CYFIP2: variants seen among roughly 807,000 people sequenced by gnomAD.
CYFIP2 encodes the protein cytoplasmic FMR1 interacting protein 2.
In CYFIP2, 29 loss-of-function variants were observed where a neutral mutation model predicts 158.7. That is an observed-to-expected ratio of 0.18 (90% CI 0.14 to 0.25). The LOEUF (loss-of-function observed/expected upper bound fraction) is 0.25. CYFIP2 is among the 10% of genes least tolerant of loss of function. CYFIP2 has a pLI of 1.00. For synonymous variants in CYFIP2, 585 were observed against 617.6 expected, an observed-to-expected ratio of 0.95 and a Z score of 0.78; for missense variants, 852 against 1,639.5, an observed-to-expected ratio of 0.52 and a Z score of 8.29.
At chr5:157,335,148 C>T (rs190884910) in intron 21 of CYFIP2, among the ~76,000 whole-genome samples, 18 of 152,340 alleles carry the variant, frequency 1.2e-4, no homozygotes, top group Admixed American at 3.9e-4. Context: ...GCTGTGTGAT[C>T]TTGTGCAAGT....
intron 30 of CYFIP2, among the ~76,000 whole-genome samples, 155 bp from the exon 31 acceptor site, chr5:157,392,678 G>A: frequency 6.6e-6 from 1 of 152,142 alleles, no homozygotes; most frequent in East Asian, 1.9e-4. Flanking sequence ...GTTAACACTT[G>A]ATTGCCAGAT....
Position 157,360,678 on chromosome 5 carries a change from C to A in CYFIP2, c.2908+306C>A, listed in dbSNP as rs539167884. On this transcript the variant is annotated intron_variant, in intron 25 of 30. Transcript: ENST00000620254. ...TTATTAGAAAAGGTATTTATGAGCT[C>A]AGCACCTCCAGGAGCTCTTCCTCCA... 2.0e-5 allele frequency among the ~76,000 whole-genome samples: 3 copies of A among 152,294 alleles called. No homozygotes were observed. The East Asian group carries it at 5.8e-4, about 29-fold the overall frequency.
chr5:157,327,464 C>T (rs1761114010), intron 18 of CYFIP2, among the ~76,000 whole-genome samples: 1 of 151,724 alleles, frequency 6.6e-6, no homozygotes, highest in South Asian at 2.1e-4. Flanking sequence ...ACTTGGGAGG[C>T]TGAAGGATGA....
chr5:157,332,303 A>G (rs570283243), intron 20 of CYFIP2, among the ~76,000 whole-genome samples: 1 of 152,344 alleles, frequency 6.6e-6, no homozygotes, highest in Admixed American at 6.5e-5. Flanking sequence ...TTAATGTTTT[A>G]CCATATTTAG....
chr5:157,322,119 C>A (rs1384540106), intron 15 of CYFIP2, among the ~76,000 whole-genome samples: 1 of 152,050 alleles, frequency 6.6e-6, no homozygotes, highest in Non-Finnish European at 1.5e-5. Flanking sequence ...CCAGGTCATG[C>A]TAGGTGGCAC....
At chr5:157,301,573 T>C (rs1758750489) in intron 6 of CYFIP2, among the ~76,000 whole-genome samples, 1 of 152,052 alleles carries the variant, frequency 6.6e-6, no homozygotes, top group African/African-American at 2.4e-5. Context: ...GGTGTAGAGG[T>C]GGAGACACCC....
intron 19 of CYFIP2, 73 bp from the exon 20 acceptor site, chr5:157,330,669 A>C: frequency 8.7e-7 from 1 of 1,150,118 alleles, no homozygotes; most frequent in Admixed American, 1.8e-5. Flanking sequence ...ATGATCTGAA[A>C]TAGATGTATC....
In CYFIP2 at chr5:157,360,310, A is replaced by G; in HGVS notation, c.2846A>G (p.Lys949Arg). 6.2e-7 allele frequency: 1 copy of G among 1,613,800 alleles called. No homozygotes were observed. The highest frequency in any genetic ancestry group is 2.2e-5 in the East Asian group (1 of 44,878). Residue 949 changes from lysine to arginine, a missense_variant, in exon 25 of 31, where the codon AAA (lysine) becomes AGA (arginine). Lys to Arg is a conservative substitution (Grantham distance 26). Coordinates refer to ENST00000620254, the MANE Select transcript of CYFIP2 (RefSeq NM_001037333.3). The part of the protein sequence containing the change: ...LLQGTILQYV[K>R]TLIEVMPKIC... ...CAAGGAACCATTCTCCAGTATGTGA[A>G]AACACTGATAGAGGTGATGCCCAAG...
chr5:157,389,283 G>A lies in CYFIP2; in HGVS notation c.3302G>A (p.Ser1101Asn). Reference protein sequence around the residue: ...MFEVILTRIRSYLQDPIWRGP... With the variant: ...MFEVILTRIRNYLQDPIWRGP... ...GAGGTCATCCTGACCCGCATTCGGA[G>A]CTACCTGCAGGACCCCATCTGGCGG... is the stretch of plus-strand genomic sequence containing the variant. Residue 1101 changes from serine to asparagine, a missense_variant, in exon 29 of 31, where the codon AGC (serine) becomes AAC (asparagine). Transcript: ENST00000620254. The A allele has an allele frequency of 6.2e-7, 1 of 1,614,086 alleles. No homozygotes were observed. The highest frequency in any genetic ancestry group is 8.5e-7 in the Non-Finnish European group (1 of 1,179,904).
Position 157,287,013 on chromosome 5 carries a change from C to G in CYFIP2, c.118-6C>G. On this transcript the variant is annotated splice_polypyrimidine_tract_variant and splice_region_variant and intron_variant, in intron 2 of 30. Coordinates refer to ENST00000620254, the MANE Select transcript of CYFIP2 (RefSeq NM_001037333.3). ...ACCAAAATGTTCCTGTCCTCTAATTCCACAGGCTAACTTTGACACAAACTT... is the reference window on the plus strand; with the variant it reads ...ACCAAAATGTTCCTGTCCTCTAATTGCACAGGCTAACTTTGACACAAACTT... The G allele has an allele frequency of 1.2e-6, 2 of 1,612,374 alleles. No homozygotes were observed. The highest frequency in any genetic ancestry group is 1.7e-6 in the Non-Finnish European group (2 of 1,178,756).
chr5:157,307,170 G>A (rs1041854756), intron 8 of CYFIP2, among the ~76,000 whole-genome samples: 3 of 152,114 alleles, frequency 2.0e-5, no homozygotes, highest in African/African-American at 7.2e-5. Flanking sequence ...AGTCACCAGC[G>A]GCTCCTTGGA....
rs1763719816 is a variant in CYFIP2 at position 157,360,306 on chromosome 5, G to A, written c.2842G>A (p.Val948Met). 1 of 1,613,818 alleles carries A rather than the reference G, an allele frequency of 6.2e-7. No individual in the cohort carries two copies. The highest frequency in any genetic ancestry group is 8.5e-7 in the Non-Finnish European group (1 of 1,179,772). ...SLLQGTILQY[V>M]KTLIEVMPKI... ...GCTCCAAGGAACCATTCTCCAGTAT[G>A]TGAAAACACTGATAGAGGTGATGCC... is the stretch of plus-strand genomic sequence containing the variant. Residue 948 changes from valine to methionine, a missense_variant, in exon 25 of 31, where the codon GTG becomes ATG. Physicochemically the swap from Val to Met is conservative, Grantham distance 21. Transcript: ENST00000620254.
At chr5:157,296,645 ATG>A (rs1286665573) in intron 4 of CYFIP2, 26 bp from the exon 5 acceptor site, 3 of 1,588,486 alleles carry the variant, frequency 1.9e-6, no homozygotes, top group Non-Finnish European at 2.6e-6. Context: ...GTAAACCAGG[ATG>A]TGTGTGTCCC....
Position 157,311,132 on chromosome 5 carries a change from A to C in CYFIP2, c.993-532A>C. The stretch of plus-strand genomic sequence containing the variant: ...GTGGGTGGAGGGAGGGGCCACCCCC[A>C]CGTCTCAGAGTGGCCCTGGCTTCTC... On this transcript the variant is annotated intron_variant, in intron 10 of 30. Transcript: ENST00000620254. The surrounding 1 kb of genome is among the most constrained non-coding windows in gnomAD (Gnocchi z 4.7). 1 of 453,716 alleles carries C rather than the reference A, an allele frequency of 2.2e-6. No homozygotes were observed. Among genetic ancestry groups the C allele is most frequent in the South Asian group, 1.6e-5 (1 of 64,346 alleles). 28.1% of individuals were successfully genotyped at this position (453,716 alleles called of 1,614,324 possible). A position where few individuals can be genotyped will look rare whatever the true frequency, so the allele number is the denominator to read the frequency against.
chr5:157,303,319 A>T (rs1456098919), intron 7 of CYFIP2, among the ~76,000 whole-genome samples: 1 of 152,188 alleles, frequency 6.6e-6, no homozygotes, highest in African/African-American at 2.4e-5. Flanking sequence ...AATAAATGAT[A>T]CCAGTATATG....
intron 7 of CYFIP2, 55 bp downstream of exon 7, chr5:157,302,945 C>T (rs961064363): frequency 7.0e-6 from 10 of 1,428,338 alleles, no homozygotes; most frequent in African/African-American, 1.4e-5. Context: ...TATAGGCAGG[C>T]GTGTAGAGGT....
At chr5:157,348,642 C>T (rs753267915) in intron 23 of CYFIP2, among the ~76,000 whole-genome samples, 1 of 152,170 alleles carries the variant, frequency 6.6e-6, no homozygotes, top group African/African-American at 2.4e-5. Context: ...GAACTTCTGA[C>T]CTCAGGTGAT....
chr5:157,285,744 G>C (rs984401900), intron 2 of CYFIP2, among the ~76,000 whole-genome samples: 3 of 152,214 alleles, frequency 2.0e-5, no homozygotes, highest in Non-Finnish European at 4.4e-5. Context: ...TCTTGCTGCT[G>C]TACCAACCAA....
intron 1 of CYFIP2, among the ~76,000 whole-genome samples, chr5:157,268,420 A>G (rs1226920044): frequency 2.0e-5 from 3 of 152,192 alleles, no homozygotes; most frequent in Non-Finnish European, 2.9e-5. Context: ...CCCTGGTAGA[A>G]CACTACATGA....
Sources: gnomAD v4.1 joint callset for allele counts (sites outside exome capture counted in the v4.1 genomes callset) on GRCh38, gnomAD v4.1.1 for gene constraint, Gnocchi (gnomAD v3.1) non-coding constraint, MANE v1.5 for transcripts, NCBI Gene and HGNC (gene_info 2026-07-23, HGNC 2026-07-21) for gene names.